The following WDHD1 variants were observed in gnomAD, a reference collection of about 807,000 sequenced individuals.
WDHD1 encodes the protein WD repeat and HMG-box DNA binding protein 1.
Under a neutral mutation model 135.4 loss-of-function variants are expected in WDHD1, and 111 were observed. That is an observed-to-expected ratio of 0.82 (90% CI 0.70 to 0.96). The LOEUF (loss-of-function observed/expected upper bound fraction) is 0.96, where lower values mean the gene tolerates loss of function less well. Among genes scored for constraint, WDHD1 ranks in the 40% least tolerant of loss-of-function variants. The probability of loss-of-function intolerance (pLI) is 0.00; values close to 1 mark genes in which losing one functional copy is unlikely to be tolerated. For synonymous variants in WDHD1, 434 were observed against 439.0 expected (o/e 0.99, Z 0.14); for missense variants, 1,351 against 1,336.3 (o/e 1.01, Z -0.17).
At position 55,013,194 on chromosome 14, in the gene WDHD1, CAAAAAAAAA is replaced by C. The variant is rs71448422; in HGVS notation, c.189+282_189+290del. On this transcript the variant is annotated intron_variant, in intron 3 of 25. Coordinates refer to ENST00000360586, the MANE Select transcript of WDHD1 (RefSeq NM_007086.4). ...TGAGCAACATGGCAAGATCCCGTTT[CAAAAAAAAA>C]AAAAAAAAAAAAAAATTGGTGGGGC... 1.7e-3 allele frequency among the ~76,000 whole-genome samples: 140 copies of C among 82,322 alleles called. 1 individual carries two copies. The highest frequency in any genetic ancestry group is 2.6e-3 in the Non-Finnish European group (114 of 44,694). The allele number at this position is 82,322 out of a possible 152,430, so 54.0% of individuals were successfully genotyped here. A position where few individuals can be genotyped will look rare whatever the true frequency, so the allele number is the denominator to read the frequency against.
In WDHD1 at chr14:54,940,083, A is replaced by G. The variant is rs185478380; in HGVS notation, c.*1407T>C. ...ACAGCATCATCATTATCAGAATAGT[A>G]ACTAACATTTATATAAAAGATTACT... On this transcript the variant is annotated 3_prime_UTR_variant, in exon 26 of 26. Coordinates refer to ENST00000360586, the MANE Select transcript of WDHD1 (RefSeq NM_007086.4). 125 of 152,328 alleles carry G rather than the reference A, an allele frequency of 8.2e-4. No individual in the cohort carries two copies. The highest frequency in any genetic ancestry group is 3.0e-3 in the African/African-American group (123 of 41,580). The allele number at this position is 152,328 out of a possible 1,614,324, so 9.4% of individuals were successfully genotyped here.
In WDHD1 at chr14:54,981,649, T is replaced by C. The variant is rs763821390; in HGVS notation, c.1954A>G (p.Arg652Gly). ...GGAGTCCACGTATTACCAAGTCCTC[T>C]GTTAAGCATTCGAACAATTCCTTCT... ...DSEGIVRMLN[R>G]GLGNTWTPIC... is the part of the protein sequence containing the mutation. The change falls in exon 16 of 26, where the codon AGA becomes GGA. Residue 652 changes from arginine (R) to glycine (G), a missense_variant. By Grantham distance (125) the Arg-to-Gly change is moderately radical (BLOSUM62 -2). Coordinates refer to ENST00000360586, the MANE Select transcript of WDHD1 (RefSeq NM_007086.4). 5 of 1,611,876 alleles carry C rather than the reference T, an allele frequency of 3.1e-6. No individual in the cohort carries two copies. The highest frequency in any genetic ancestry group is 4.2e-6 in the Non-Finnish European group (5 of 1,178,124).
At chr14:55,004,735 G>A in intron 7 of WDHD1, 3 of 372,810 alleles carry the variant, frequency 8.0e-6, no homozygotes, top group Non-Finnish European at 1.6e-5. Flanking sequence ...TTATGGGCGT[G>A]AGCCAGCGAG....
At position 55,008,707 on chromosome 14, in the gene WDHD1, G is replaced by T; in HGVS notation, c.354C>A (p.Val118=). 6.2e-7 allele frequency: 1 copy of T among 1,609,836 alleles called. No individual in the cohort carries two copies. Among genetic ancestry groups the T allele is most frequent in the South Asian group, 1.1e-5 (1 of 89,760 alleles). ...KIAAGSSDFL[V]KIVDVMDSSQ... Reference sequence around the variant, plus strand: ...TGCTATCCATCACATCCACAATTTTGACTAGAAAATCACTAAGAACAAAAA... The same window carrying T: ...TGCTATCCATCACATCCACAATTTTTACTAGAAAATCACTAAGAACAAAAA... The change falls in exon 5 of 26, where the codon GTC becomes GTA. Residue 118 remains valine, a synonymous_variant. Transcript: ENST00000360586.
intron 16 of WDHD1, among the ~76,000 whole-genome samples, chr14:54,979,767 A>T (rs1283645620): frequency 2.0e-5 from 3 of 152,134 alleles, no homozygotes; most frequent in Non-Finnish European, 1.5e-5. Flanking sequence ...TATACTATCC[A>T]CTGAGTTTCT....
intron 2 of WDHD1, among the ~76,000 whole-genome samples, chr14:55,021,038 G>A (rs1253774793): frequency 6.6e-6 from 1 of 152,156 alleles, no homozygotes; most frequent in African/African-American, 2.4e-5. Context: ...GGTGGAAGAG[G>A]GGGAGGAAGT....
At position 55,010,470 on chromosome 14, in the gene WDHD1, A is replaced by C. The variant is rs1442231716; in HGVS notation, c.190-10T>G. The C allele has an allele frequency of 5.1e-6, 8 of 1,553,714 alleles. No homozygotes were observed. Among genetic ancestry groups the C allele is most frequent in the Admixed American group, 4.0e-5 (2 of 49,430 alleles). On this transcript the variant is annotated splice_polypyrimidine_tract_variant and intron_variant, in intron 3 of 25. Transcript: ENST00000360586. ...TGACCAGTTTTCCACTCTAAAAGAA[A>C]AATTAAGGTAAGAAACATTAGCAAA...
chr14:55,000,065 A>G (rs2140213164), intron 10 of WDHD1, among the ~76,000 whole-genome samples: 1 of 152,332 alleles, frequency 6.6e-6, no homozygotes, highest in South Asian at 2.1e-4. Flanking sequence ...AGACTTGAAT[A>G]TAAATAGGTA....
Position 54,963,183 on chromosome 14 carries a change from AAGG to A in WDHD1, c.2311-14_2311-12del, listed in dbSNP as rs1566714184. On this transcript the variant is annotated splice_polypyrimidine_tract_variant and intron_variant, in intron 18 of 25. Transcript: ENST00000360586. ...CAGTTTACAAGAAAGCTAATCCAAA[AAGG>A]GGGGGGGGGGGGAGATCAAATAACA... The A allele has an allele frequency of 4.4e-5, 10 of 226,396 alleles. No individual in the cohort carries two copies. Among genetic ancestry groups the A allele is most frequent in the Non-Finnish European group, 7.4e-5 (8 of 107,602 alleles). The allele number at this position is 226,396 out of a possible 1,614,324, so 14.0% of individuals were successfully genotyped here.
intron 24 of WDHD1, among the ~76,000 whole-genome samples, chr14:54,949,564 T>C (rs140213800): frequency 4.2e-5 from 6 of 143,904 alleles, no homozygotes; most frequent in South Asian, 4.2e-4. Context: ...TGGAACCAAG[T>C]TGGAAAACAC....
Position 55,008,795 on chromosome 14 carries a change from TTC to T in WDHD1, c.342-78_342-77del, listed in dbSNP as rs1303794200. On this transcript the variant is annotated intron_variant, in intron 4 of 25. Coordinates refer to ENST00000360586, the MANE Select transcript of WDHD1 (RefSeq NM_007086.4). The stretch of plus-strand genomic sequence containing the variant: ...CTCCTAAAAGCTATGATCCAAATAT[TTC>T]TTTTTTTTTTTTTTTCTTTTTGAGA... The T allele has an allele frequency of 5.4e-6, 6 of 1,117,914 alleles. No individual in the cohort carries two copies. In the African/African-American group the frequency reaches 6.4e-5, roughly 12 times the overall value. 69.2% of individuals were successfully genotyped at this position (1,117,914 alleles called of 1,614,324 possible).
At chr14:54,980,972 G>T (rs28406982) in intron 16 of WDHD1, among the ~76,000 whole-genome samples, 6,593 of 151,902 alleles carry the variant, frequency 0.043, 528 homozygotes, top group African/African-American at 0.15. Flanking sequence ...TCAGCCAGGC[G>T]TGATGGTGCG....
chr14:54,941,705 A>G lies in WDHD1; in HGVS notation c.3190-15T>C. ...TTAGCCCACACCTTTGTAAAATGGC[A>G]GGAGTGAAAAGGAAAGATTTTTAGA... On this transcript the variant is annotated splice_polypyrimidine_tract_variant and intron_variant, in intron 25 of 25. Transcript: ENST00000360586. 1 of 1,583,650 alleles carries G rather than the reference A, an allele frequency of 6.3e-7. No homozygotes were observed. Among genetic ancestry groups the G allele is most frequent in the South Asian group, 1.2e-5 (1 of 84,156 alleles).
At chr14:55,020,128 G>C (rs1456727886) in intron 2 of WDHD1, among the ~76,000 whole-genome samples, 1 of 151,994 alleles carries the variant, frequency 6.6e-6, no homozygotes, top group Non-Finnish European at 1.5e-5. Context: ...CATTCTTCTG[G>C]GGTCACTGCT....
At position 54,984,763 on chromosome 14, in the gene WDHD1, T is replaced by C. The variant is rs746403455; in HGVS notation, c.1866A>G (p.Thr622=). Residue 622 remains threonine, a synonymous_variant, in exon 15 of 26, where the codon ACA becomes ACG. Transcript: ENST00000360586. ...CAATCCATGCAAGGTAGGATTTCCT[T>C]GTAAGAGGAAGAGGGTCACCATGCA... ...QILHGDPLPL[T]RKSYLAWIGF... is the part of the protein sequence containing the mutation. 6.2e-7 allele frequency: 1 copy of C among 1,613,622 alleles called. No individual in the cohort carries two copies.
intron 12 of WDHD1, among the ~76,000 whole-genome samples, chr14:54,989,779 C>T (rs1401776966): frequency 6.6e-6 from 1 of 152,048 alleles, no homozygotes. Flanking sequence ...CCTCCCTCAG[C>T]CTCCTGTGTA....
In WDHD1 at chr14:54,941,642, C is replaced by T. The variant is rs747233658; in HGVS notation, c.3238G>A (p.Ala1080Thr). ...TCAACCACACGTTTTCGCTTCTTTG[C>T]TTCAGTTCCTTCACTTGCCGTTTCT... is the stretch of plus-strand genomic sequence containing the variant. ...KGETASEGTE[A>T]KKRKRVVDES... The change falls in exon 26 of 26, where the codon GCA becomes ACA. Residue 1080 changes from alanine (A) to threonine (T), a missense_variant. Transcript: ENST00000360586. 5.0e-6 allele frequency: 8 copies of T among 1,613,926 alleles called. No individual in the cohort carries two copies. Among genetic ancestry groups the T allele is most frequent in the Non-Finnish European group, 6.8e-6 (8 of 1,179,900 alleles).
At chr14:54,996,985 T>A (rs2041891187) in intron 10 of WDHD1, among the ~76,000 whole-genome samples, 1 of 151,870 alleles carries the variant, frequency 6.6e-6, no homozygotes, top group African/African-American at 2.4e-5. Context: ...AGAGATGGGG[T>A]TTCACCATGT....
rs1218550030 is a variant in WDHD1, at chr14:54,962,869, A to G, written c.2532-16T>C. On this transcript the variant is annotated splice_polypyrimidine_tract_variant and intron_variant, in intron 19 of 25. Transcript: ENST00000360586. ...ATTGCTGTAACTAAGAGAAAATAAT[A>G]TTATTCAATAAAGAGCTATGCAAAG... 2 of 1,611,162 alleles carry G rather than the reference A, an allele frequency of 1.2e-6. No homozygotes were observed.
Sources: allele counts gnomAD v4.1 joint callset (sites outside exome capture counted in the v4.1 genomes callset), GRCh38; gene constraint gnomAD v4.1.1; transcripts MANE v1.5; gene names NCBI Gene and HGNC (gene_info 2026-07-23, HGNC 2026-07-21).